SYNE2: variants seen among roughly 807,000 people sequenced by gnomAD.
SYNE2 encodes the protein nesprin-2.
In SYNE2, 431 loss-of-function variants were observed where a neutral mutation model predicts 856.3. The ratio of observed to expected loss-of-function variants is 0.50; its 90% CI spans 0.47 to 0.55. The LOEUF (loss-of-function observed/expected upper bound fraction) is 0.55, where lower values mean the gene tolerates loss of function less well. SYNE2 is among the 20% of genes least tolerant of loss of function. The pLI, the probability that SYNE2 is intolerant of heterozygous loss-of-function variation, is 0.00. For missense variants in SYNE2, 8,129 were observed against 8,023.2 expected (o/e 1.01, Z -0.50); for synonymous variants, 2,923 against 2,872.3 (o/e 1.02, Z -0.56).
intron 45 of SYNE2, among the ~76,000 whole-genome samples, chr14:64,038,753 G>A (rs2153559322): frequency 6.6e-6 from 1 of 152,372 alleles, no homozygotes; most frequent in Middle Eastern, 3.4e-3. Flanking sequence ...TGAGGCAGGA[G>A]AATCAGGCAG....
intron 1 of SYNE2, among the ~76,000 whole-genome samples, chr14:63,824,997 G>A (rs1283893278): frequency 6.6e-6 from 1 of 151,772 alleles, no homozygotes; most frequent in Middle Eastern, 3.2e-3. Context: ...CTGGGCAGGA[G>A]GCTGAGGCAG....
chr14:64,208,743 C>T lies in SYNE2; in HGVS notation c.18202-15C>T. 6.2e-7 allele frequency: 1 copy of T among 1,614,100 alleles called. No homozygotes were observed. Among genetic ancestry groups the T allele is most frequent in the Non-Finnish European group, 8.5e-7 (1 of 1,179,962 alleles). ...CCAACATCTCAAGAGGTTTCTTACT[C>T]TGTTGTAATCACAGGATCTACAGCG... On this transcript the variant is annotated splice_polypyrimidine_tract_variant and intron_variant, in intron 100 of 115. Coordinates refer to ENST00000555002, the MANE Select transcript of SYNE2 (RefSeq NM_182914.3).
intron 30 of SYNE2, among the ~76,000 whole-genome samples, chr14:64,006,543 A>G (rs1323289464): frequency 6.6e-6 from 1 of 152,192 alleles, no homozygotes; most frequent in African/African-American, 2.4e-5. Flanking sequence ...TATTCTGGAA[A>G]TGCAGCCAGG....
intron 58 of SYNE2, 65 bp downstream of exon 58, chr14:64,087,921 C>T: frequency 6.4e-7 from 1 of 1,555,540 alleles, no homozygotes; most frequent in Non-Finnish European, 8.8e-7. Flanking sequence ...GGTGGCTCAT[C>T]CCTATAATTC....
In SYNE2 at chr14:63,981,048, A is replaced by G; in HGVS notation, c.1711A>G (p.Arg571Gly). ...GGTGAAATCTGATGTTTGTATGTAT[A>G]GAAAAAATATATATAATGTGAAGTC... ...MMVKSDVCMY[R>G]KNIYNVKSTL... Residue 571 changes from arginine (R) to glycine (G), a missense_variant, in exon 16 of 116, where the codon AGA becomes GGA. Transcript: ENST00000555002. 1.3e-6 allele frequency: 2 copies of G among 1,587,062 alleles called. No individual in the cohort carries two copies. The highest frequency in any genetic ancestry group is 1.7e-6 in the Non-Finnish European group (2 of 1,156,002).
intron 99 of SYNE2, among the ~76,000 whole-genome samples, chr14:64,195,033 G>A (rs901378400): frequency 6.6e-5 from 10 of 152,200 alleles, no homozygotes; most frequent in Admixed American, 4.6e-4. Context: ...TGTAGACACA[G>A]GTGGGGCTGT....
rs754689036 is a variant in SYNE2, at chr14:64,093,317, A to C, written c.11977-32A>C. The C allele has an allele frequency of 1.9e-6, 3 of 1,612,628 alleles. No individual in the cohort carries two copies. In the Admixed American group the frequency reaches 5.0e-5, roughly 27 times the overall value. ...TCCATTAATCTGCTTAGATTATGACAAAGATTCTTTTTTGTGGGGGTTATT... is the reference window on the plus strand; with the variant it reads ...TCCATTAATCTGCTTAGATTATGACCAAGATTCTTTTTTGTGGGGGTTATT... On this transcript the variant is annotated intron_variant, in intron 60 of 115. Coordinates refer to ENST00000555002, the MANE Select transcript of SYNE2 (RefSeq NM_182914.3).
In SYNE2 at chr14:64,152,681, G is replaced by C. The variant is rs1487194332; in HGVS notation, c.15757G>C (p.Glu5253Gln). The C allele has an allele frequency of 1.2e-6, 2 of 1,613,986 alleles. No individual in the cohort carries two copies. Among genetic ancestry groups the C allele is most frequent in the Non-Finnish European group, 1.7e-6 (2 of 1,180,000 alleles). The change falls in exon 85 of 116, where the codon GAG (glutamate) becomes CAG (glutamine). Residue 5253 changes from glutamate (E) to glutamine (Q), a missense_variant. By Grantham distance (29) the Glu-to-Gln change is conservative. Transcript: ENST00000555002. Reference protein sequence around the residue: ...LLEDTASRIDELFQKRSSVLT... With the variant: ...LLEDTASRIDQLFQKRSSVLT... ...AGAAGATACAGCATCCCGAATTGAT[G>C]AGTTATTTCAAAAGAGAAGCAGTGT...
intron 103 of SYNE2, 67 bp downstream of exon 103, chr14:64,210,191 C>T (rs2098632946): frequency 1.3e-6 from 2 of 1,553,002 alleles, no homozygotes; most frequent in South Asian, 2.4e-5. Context: ...TACGCAATGG[C>T]AGGCTTGTGG....
At chr14:63,795,833 A>G (rs2139779751) in intron 1 of SYNE2, among the ~76,000 whole-genome samples, 1 of 152,322 alleles carries the variant, frequency 6.6e-6, no homozygotes, top group East Asian at 1.9e-4. Context: ...TATTAACACA[A>G]TGTGGATGAA....
Position 64,125,587 on chromosome 14 carries a change from A to T in SYNE2, c.13554+377A>T, listed in dbSNP as rs370812094. 1.7e-4 allele frequency among the ~76,000 whole-genome samples: 26 copies of T among 152,356 alleles called. 1 individual carries two copies. Among genetic ancestry groups the T allele is most frequent in the Middle Eastern group, 3.4e-3 (1 of 294 alleles). On this transcript the variant is annotated intron_variant, in intron 71 of 115. Coordinates refer to ENST00000555002, the MANE Select transcript of SYNE2 (RefSeq NM_182914.3). ...TAATGCTAGGTTATGTGAGGTGTCT[A>T]TCAGAGAAGATAGTAGGAGACAGGG...
chr14:64,063,395 C>T (rs1193101179), intron 50 of SYNE2, among the ~76,000 whole-genome samples: 2 of 152,210 alleles, frequency 1.3e-5, no homozygotes, highest in Non-Finnish European at 2.9e-5. Flanking sequence ...GGAAATGAAG[C>T]AGTGGTACTG....
rs376287569 is a variant in SYNE2, at chr14:64,056,065, C to A, written c.9866C>A (p.Pro3289Gln). The A allele has an allele frequency of 3.1e-6, 5 of 1,614,142 alleles. No homozygotes were observed. Among genetic ancestry groups the A allele is most frequent in the Admixed American group, 3.3e-5 (2 of 60,020 alleles). Residue 3289 changes from proline (P) to glutamine (Q), a missense_variant, in exon 49 of 116, where the codon CCA (proline) becomes CAA (glutamine). Around this residue, in one of 3 missense-constraint regions of SYNE2, gnomAD observed 5,410 missense variants for 5,284.8 expected, o/e 1.02. Coordinates refer to ENST00000555002, the MANE Select transcript of SYNE2 (RefSeq NM_182914.3). ...CCCTACAGAGTAGATGTTGGTAATC[C>A]AGAAGAATCTTTAGAGATGCCTCTT... The part of the protein sequence containing the change: ...IIPYRVDVGN[P>Q]EESLEMPLRK...
At chr14:64,016,671 T>G in intron 33 of SYNE2, 40 bp downstream of exon 33, 1 of 1,396,304 alleles carries the variant, frequency 7.2e-7, no homozygotes, top group Admixed American at 1.8e-5. Flanking sequence ...TAATTTTGTT[T>G]CCAATATTTT....
intron 45 of SYNE2, among the ~76,000 whole-genome samples, chr14:64,035,456 A>G (rs1260644177): frequency 3.3e-5 from 5 of 151,432 alleles, no homozygotes; most frequent in Admixed American, 2.0e-4. Flanking sequence ...ATCTTACTGT[A>G]GAGGTATTTT....
At chr14:64,092,804 T>G (rs2097637437) in intron 60 of SYNE2, among the ~76,000 whole-genome samples, 1 of 152,222 alleles carries the variant, frequency 6.6e-6, no homozygotes, top group Non-Finnish European at 1.5e-5. Context: ...AGACTGTTCT[T>G]GAACCCTCAG....
Position 64,101,836 on chromosome 14 carries a change from AG to A in SYNE2, c.12382-95del. 3 of 853,000 alleles carry A rather than the reference AG, an allele frequency of 3.5e-6. No individual in the cohort carries two copies. The South Asian group carries it at 4.2e-5, about 12-fold the overall frequency. The allele number at this position is 853,000 out of a possible 1,614,324, so 52.8% of individuals were successfully genotyped here. On this transcript the variant is annotated intron_variant, in intron 63 of 115. Transcript: ENST00000555002. ...AGGGCTGTGGTTACACTGCCTGATA[AG>A]TTGAGTCTGGTATAAAAGACGTGAG...
intron 45 of SYNE2, among the ~76,000 whole-genome samples, chr14:64,032,197 T>C (rs11844628): frequency 0.85 from 128,665 of 151,840 alleles, 55,355 homozygotes; most frequent in Non-Finnish European, 0.93. Flanking sequence ...TCTAAAAATA[T>C]GTAAAACAAT....
At chr14:64,003,812 C>T (rs1165037280) in intron 30 of SYNE2, among the ~76,000 whole-genome samples, 4 of 152,158 alleles carry the variant, frequency 2.6e-5, no homozygotes, top group African/African-American at 7.2e-5. Context: ...GGGCAGGAGA[C>T]TGAATTTAAG....
Sources: gnomAD v4.1 joint callset for allele counts (sites outside exome capture counted in the v4.1 genomes callset) on GRCh38, gnomAD v4.1.1 for gene constraint, gnomAD v4.1.1 regional missense constraint, MANE v1.5 for transcripts, NCBI Gene and HGNC (gene_info 2026-07-23, HGNC 2026-07-21) for gene names.